The following SPAG16 variants were observed in gnomAD, a reference collection of about 807,000 sequenced individuals.
The protein encoded by SPAG16 is sperm-associated antigen 16 protein.
In SPAG16, 86 loss-of-function variants were observed where a neutral mutation model predicts 80.4. The observed-to-expected ratio is 1.07, with a 90% CI of 0.90 to 1.28. The LOEUF (loss-of-function observed/expected upper bound fraction) is 1.28, where lower values mean the gene tolerates loss of function less well. Ranked by LOEUF, SPAG16 falls within the 50% of genes most tolerant of loss-of-function variation. The pLI, the probability that SPAG16 is intolerant of heterozygous loss-of-function variation, is 0.00. For missense variants in SPAG16, 870 were observed against 765.3 expected, an observed-to-expected ratio of 1.14 and a Z score of -1.61; for synonymous variants, 294 against 265.9, an observed-to-expected ratio of 1.11 and a Z score of -1.03.
At chr2:213,940,298 A>G (rs1286311608) in intron 12 of SPAG16, among the ~76,000 whole-genome samples, 1 of 152,164 alleles carries the variant, frequency 6.6e-6, no homozygotes, top group Admixed American at 6.5e-5. Context: ...AAATGTTTAA[A>G]AAGTTTTTTT....
At chr2:213,727,903 C>T (rs186892125) in intron 10 of SPAG16, among the ~76,000 whole-genome samples, 4 of 152,068 alleles carry the variant, frequency 2.6e-5, no homozygotes, top group East Asian at 3.9e-4. Flanking sequence ...GGTTGGAGTG[C>T]AATGGCGTGA....
chr2:213,824,837 T>A (rs1335505594), intron 10 of SPAG16, among the ~76,000 whole-genome samples: 1 of 152,180 alleles, frequency 6.6e-6, no homozygotes, highest in African/African-American at 2.4e-5. Context: ...ATATGGACAC[T>A]TTAACAATAT....
intron 10 of SPAG16, among the ~76,000 whole-genome samples, chr2:213,654,523 C>T (rs1169736122): frequency 2.1e-5 from 3 of 140,254 alleles, no homozygotes; most frequent in African/African-American, 2.8e-5. Flanking sequence ...GGTGAAACCC[C>T]GTCTCTACTA....
intron 13 of SPAG16, among the ~76,000 whole-genome samples, chr2:214,068,173 T>C (rs1276747713): frequency 6.6e-6 from 1 of 152,098 alleles, no homozygotes; most frequent in Non-Finnish European, 1.5e-5. Flanking sequence ...GAAACAATGA[T>C]GCAAATTCAT....
chr2:214,304,148 T>C (rs1300453431), intron 15 of SPAG16, among the ~76,000 whole-genome samples: 1 of 152,234 alleles, frequency 6.6e-6, no homozygotes, highest in African/African-American at 2.4e-5. Flanking sequence ...CTAAAGATAA[T>C]GACCTCCAGC....
intron 9 of SPAG16, among the ~76,000 whole-genome samples, chr2:213,426,836 T>C (rs78848212): frequency 1.6e-3 from 207 of 125,870 alleles, no homozygotes; most frequent in African/African-American, 3.4e-3. Context: ...TTCTGATACA[T>C]ACACACACAC....
At chr2:214,391,927 AG>A (rs1410444807) in intron 15 of SPAG16, among the ~76,000 whole-genome samples, 5 of 152,164 alleles carry the variant, frequency 3.3e-5, no homozygotes, top group Admixed American at 2.0e-4. Flanking sequence ...TTAAATCAAA[AG>A]GGGCCCTGGA....
intron 14 of SPAG16, among the ~76,000 whole-genome samples, chr2:214,136,963 T>C (rs899410583): frequency 1.3e-5 from 2 of 152,198 alleles, no homozygotes; most frequent in Non-Finnish European, 2.9e-5. Context: ...TTAATGTCTC[T>C]GCCATTTGCT....
At chr2:213,852,890 G>A (rs13426013) in intron 10 of SPAG16, among the ~76,000 whole-genome samples, 1 of 151,938 alleles carries the variant, frequency 6.6e-6, no homozygotes, top group Non-Finnish European at 1.5e-5. Flanking sequence ...AATTCCATGT[G>A]AAAGTACTTT....
At chr2:213,675,158 C>T (rs1220403751) in intron 10 of SPAG16, among the ~76,000 whole-genome samples, 6 of 152,216 alleles carry the variant, frequency 3.9e-5, no homozygotes, top group South Asian at 2.1e-4. Context: ...TGTTTTCATG[C>T]GTATTTTGGC....
chr2:213,676,342 A>G (rs1308784685), intron 10 of SPAG16, among the ~76,000 whole-genome samples: 1 of 151,944 alleles, frequency 6.6e-6, no homozygotes. Context: ...GGACAATTTG[A>G]CTTCCTCTTT....
chr2:213,868,371 A>T (rs1240443921), intron 11 of SPAG16, among the ~76,000 whole-genome samples: 1 of 152,132 alleles, frequency 6.6e-6, no homozygotes. Flanking sequence ...AATATAAAAA[A>T]TACAGTGGTT....
At chr2:213,722,653 C>G (rs934061854) in intron 10 of SPAG16, among the ~76,000 whole-genome samples, 1 of 152,000 alleles carries the variant, frequency 6.6e-6, no homozygotes, top group Non-Finnish European at 1.5e-5. Flanking sequence ...GATTATGATG[C>G]GGTTTAGGAC....
chr2:214,396,240 G>C (rs1458251154), intron 15 of SPAG16, among the ~76,000 whole-genome samples: 1 of 151,174 alleles, frequency 6.6e-6, no homozygotes. Context: ...ACCAGGCTGT[G>C]GCTTGGCTTT....
At chr2:213,421,569 A>T (rs1418832271) in intron 9 of SPAG16, among the ~76,000 whole-genome samples, 2 of 152,150 alleles carry the variant, frequency 1.3e-5, no homozygotes, top group Non-Finnish European at 2.9e-5. Context: ...CCAGGCTCCC[A>T]ATTCCCAGTG....
intron 10 of SPAG16, among the ~76,000 whole-genome samples, chr2:213,701,220 A>G (rs2065400849): frequency 6.6e-6 from 1 of 150,652 alleles, no homozygotes; most frequent in African/African-American, 2.5e-5. Flanking sequence ...AACCTAGGCG[A>G]CAGAGAGAGA....
At chr2:214,119,974 G>A (rs138308945) in intron 14 of SPAG16, among the ~76,000 whole-genome samples, 1,800 of 151,934 alleles carry the variant, frequency 0.012, 17 homozygotes, top group Non-Finnish European at 0.014. Flanking sequence ...TGCATATTTA[G>A]CTTTTAATTT....
intron 9 of SPAG16, among the ~76,000 whole-genome samples, chr2:213,425,670 A>G (rs2069870565): frequency 6.7e-6 from 1 of 149,842 alleles, no homozygotes; most frequent in African/African-American, 2.5e-5. Flanking sequence ...AAAAAAAAAA[A>G]GGTGTGCAAA....
rs932844980 is a variant in SPAG16 at position 214,315,802 on chromosome 2, G to A, written c.1721-94338G>A. ...TCACTTTGGCCTCCCAAAGTGTTGG[G>A]ATTACAAGCATGAGCCACTGCACCT... On this transcript the variant is annotated intron_variant, in intron 15 of 15. Transcript: ENST00000331683. Among the ~76,000 whole-genome samples the A allele has an allele frequency of 2.0e-5, 3 of 152,120 alleles. No homozygotes were observed. The East Asian group carries it at 5.8e-4, about 29-fold the overall frequency.
Sources: allele counts gnomAD v4.1 joint callset (sites outside exome capture counted in the v4.1 genomes callset), GRCh38; gene constraint gnomAD v4.1.1; transcripts MANE v1.5; gene names NCBI Gene and HGNC (gene_info 2026-07-23, HGNC 2026-07-21).